HDAC9: variants seen among roughly 807,000 people sequenced by gnomAD.
The protein encoded by HDAC9 is MEF-2 interacting transcription repressor (MITR) protein.
A neutral mutation model predicts 139.4 loss-of-function variants in HDAC9; 41 were observed. That is an observed-to-expected ratio of 0.29 (90% CI 0.23 to 0.38). The LOEUF is 0.38. Ranked by LOEUF, HDAC9 falls within the 10% of genes least tolerant of loss-of-function variation. The pLI, the probability that HDAC9 is intolerant of heterozygous loss-of-function variation, is 1.00. For synonymous variants in HDAC9, 517 were observed against 476.2 expected, an observed-to-expected ratio of 1.09 and a Z score of -1.12; for missense variants, 1,147 against 1,297.0, an observed-to-expected ratio of 0.88 and a Z score of 1.78.
chr7:18,663,566 C>T lies in HDAC9; in HGVS notation c.1468-2647C>T, dbSNP rs113543369. Reference sequence around the variant, plus strand: ...GTTCCTATTCCATGACCACACATCCCGTATAGTTCTTCTGCTATCCTCAAG... The same window carrying T: ...GTTCCTATTCCATGACCACACATCCTGTATAGTTCTTCTGCTATCCTCAAG... On this transcript the variant is annotated intron_variant, in intron 11 of 25. Transcript: ENST00000686413. Among the ~76,000 whole-genome samples, 501 of 152,092 alleles carry T rather than the reference C, an allele frequency of 3.3e-3. 2 individuals are homozygous for T. Among genetic ancestry groups the T allele is most frequent in the Non-Finnish European group, 5.3e-3 (360 of 67,994 alleles).
intron 2 of HDAC9, among the ~76,000 whole-genome samples, chr7:18,214,522 C>T (rs536148380): frequency 2.6e-5 from 4 of 152,066 alleles, no homozygotes; most frequent in Non-Finnish European, 5.9e-5. Context: ...AAAAATAATT[C>T]ATACTGCTGG....
rs1562793795 is a variant in HDAC9, at chr7:18,250,156, TCTCTG to T, written c.25+87809_25+87813del. 7.2e-5 allele frequency among the ~76,000 whole-genome samples: 11 copies of T among 152,294 alleles called. No homozygotes were observed. In the South Asian group the frequency reaches 2.1e-3, roughly 29 times the overall value. On this transcript the variant is annotated intron_variant, in intron 2 of 12. Transcript: ENST00000417496. ...ATAAAGATGTTGAAATGCTTTTATT[TCTCTG>T]CATTGTCATATGATTCAAGTTGGGA...
chr7:18,338,572 T>C (rs1781759285), intron 1 of HDAC9, among the ~76,000 whole-genome samples: 1 of 151,812 alleles, frequency 6.6e-6, no homozygotes, highest in Non-Finnish European at 1.5e-5. Flanking sequence ...GTTTTTGTTA[T>C]TTATTCTATT....
intron 1 of HDAC9, among the ~76,000 whole-genome samples, chr7:18,377,483 C>CT (rs1264826525): frequency 6.6e-6 from 1 of 152,132 alleles, no homozygotes; most frequent in Non-Finnish European, 1.5e-5. Context: ...AAGATTTCTT[C>CT]TTTTTTTCCT....
At chr7:18,763,120 G>A (rs1789530936) in intron 15 of HDAC9, among the ~76,000 whole-genome samples, 1 of 152,112 alleles carries the variant, frequency 6.6e-6, no homozygotes, top group Non-Finnish European at 1.5e-5. Flanking sequence ...AATGTATTGT[G>A]TCAGCTCTAA....
intron 23 of HDAC9, among the ~76,000 whole-genome samples, chr7:18,943,188 T>C (rs1008037775): frequency 6.6e-6 from 1 of 152,068 alleles, no homozygotes; most frequent in East Asian, 1.9e-4. Flanking sequence ...GTTGGAAAAC[T>C]ACACATACAG....
At chr7:18,440,270 C>T (rs890891395) in intron 1 of HDAC9, among the ~76,000 whole-genome samples, 4 of 151,388 alleles carry the variant, frequency 2.6e-5, no homozygotes, top group East Asian at 3.9e-4. Context: ...CCGCAAACTC[C>T]GCCTCCCAGG....
At chr7:18,921,220 A>G (rs556536695) in intron 22 of HDAC9, among the ~76,000 whole-genome samples, 8 of 152,324 alleles carry the variant, frequency 5.3e-5, no homozygotes, top group South Asian at 2.1e-4. Context: ...ACAAAAGCCA[A>G]AATTGACAAA....
chr7:18,937,106 C>G (rs1202179649), intron 23 of HDAC9, among the ~76,000 whole-genome samples: 1 of 137,374 alleles, frequency 7.3e-6, no homozygotes, highest in Non-Finnish European at 1.5e-5. Context: ...GTGGCGCGAT[C>G]TCGGCTCACT....
intron 2 of HDAC9, among the ~76,000 whole-genome samples, chr7:18,178,670 T>G (rs1280558409): frequency 6.6e-6 from 1 of 152,208 alleles, no homozygotes; most frequent in Non-Finnish European, 1.5e-5. Context: ...TTTTTAATTG[T>G]GGTTGAGCAG....
chr7:18,824,507 T>G (rs1190134038), intron 17 of HDAC9, among the ~76,000 whole-genome samples: 3 of 152,144 alleles, frequency 2.0e-5, no homozygotes, highest in Non-Finnish European at 2.9e-5. Context: ...CCAGTGCAGA[T>G]GAAGCTATAA....
chr7:18,641,118 CTT>C (rs1785470102), intron 8 of HDAC9, among the ~76,000 whole-genome samples: 1 of 152,070 alleles, frequency 6.6e-6, no homozygotes, highest in African/African-American at 2.4e-5. Context: ...CATTCTCACT[CTT>C]TTAATTGAAA....
At chr7:18,861,338 TAC>T (rs1194390119) in intron 21 of HDAC9, among the ~76,000 whole-genome samples, 1 of 152,140 alleles carries the variant, frequency 6.6e-6, no homozygotes, top group African/African-American at 2.4e-5. Flanking sequence ...TAGATTTCAG[TAC>T]AGAGTTTAAC....
chr7:18,398,763 T>A (rs1404399786), intron 1 of HDAC9, among the ~76,000 whole-genome samples: 3 of 152,174 alleles, frequency 2.0e-5, no homozygotes, highest in Non-Finnish European at 2.9e-5. Context: ...ATATGCTGTA[T>A]TTTAGCCCCA....
chr7:18,205,107 T>C (rs1791404765), intron 2 of HDAC9, among the ~76,000 whole-genome samples: 2 of 151,856 alleles, frequency 1.3e-5, no homozygotes. Flanking sequence ...TACATTTTGA[T>C]CCATTTTTTT....
intron 24 of HDAC9, among the ~76,000 whole-genome samples, chr7:18,970,464 C>G (rs1784175513): frequency 6.6e-6 from 1 of 152,062 alleles, no homozygotes; most frequent in Non-Finnish European, 1.5e-5. Context: ...ACAAATATTT[C>G]CAAAACATAT....
chr7:18,440,873 T>C (rs866495569), intron 1 of HDAC9, among the ~76,000 whole-genome samples: 155 of 152,230 alleles, frequency 1.0e-3, no homozygotes, highest in African/African-American at 3.6e-3. Flanking sequence ...TGATCTTTTA[T>C]ATTTAAATAC....
intron 1 of HDAC9, among the ~76,000 whole-genome samples, chr7:18,408,596 CT>C (rs1344847883): frequency 1.3e-5 from 2 of 152,144 alleles, no homozygotes; most frequent in Non-Finnish European, 2.9e-5. Flanking sequence ...TGGGCTGGGA[CT>C]GAGACCAAGG....
chr7:18,155,849 C>T (rs745375141), intron 1 of HDAC9, among the ~76,000 whole-genome samples: 2 of 152,100 alleles, frequency 1.3e-5, no homozygotes, highest in African/African-American at 2.4e-5. Context: ...ATTGATATGC[C>T]AGTCTTTGCC....
Sources: allele counts gnomAD v4.1 joint callset (sites outside exome capture counted in the v4.1 genomes callset), GRCh38; gene constraint gnomAD v4.1.1; transcripts MANE v1.5; gene names NCBI Gene and HGNC (gene_info 2026-07-23, HGNC 2026-07-21).